The following FSTL5 variants were observed in gnomAD, a reference collection of about 807,000 sequenced individuals.
The protein encoded by FSTL5 is follistatin-related protein 5.
In FSTL5, 62 loss-of-function variants were observed where a neutral mutation model predicts 89.1. The observed-to-expected ratio is 0.70, with a 90% CI of 0.57 to 0.86. FSTL5 has a LOEUF of 0.86. Ranked by LOEUF, FSTL5 falls within the 40% of genes least tolerant of loss-of-function variation. The probability of loss-of-function intolerance (pLI) is 0.00; values close to 1 mark genes in which losing one functional copy is unlikely to be tolerated. For missense variants in FSTL5, 1,057 were observed against 1,001.6 expected, an observed-to-expected ratio of 1.06 and a Z score of -0.75; for synonymous variants, 383 against 346.2, an observed-to-expected ratio of 1.11 and a Z score of -1.18.
At chr4:162,138,299 G>GT (rs35155251) in intron 1 of FSTL5, among the ~76,000 whole-genome samples, 21,358 of 151,894 alleles carry the variant, frequency 0.14, 1,509 homozygotes, top group Middle Eastern at 0.28. Flanking sequence ...CTTCTATTAG[G>GT]TAATTAGCTG....
At chr4:161,957,081 AAATT>A (rs1174435460) in intron 3 of FSTL5, among the ~76,000 whole-genome samples, 141 of 152,130 alleles carry the variant, frequency 9.3e-4, no homozygotes, top group African/African-American at 3.0e-3. Flanking sequence ...TAACAAAAAT[AAATT>A]AATTTTTATA....
chr4:162,006,555 C>A (rs1221182156), intron 3 of FSTL5, among the ~76,000 whole-genome samples: 2 of 151,880 alleles, frequency 1.3e-5, no homozygotes, highest in Non-Finnish European at 2.9e-5. Flanking sequence ...AACTTTCCTA[C>A]ATTTCTACAC....
At chr4:161,567,172 C>T (rs1209186477) in intron 8 of FSTL5, among the ~76,000 whole-genome samples, 2 of 151,898 alleles carry the variant, frequency 1.3e-5, no homozygotes, top group Admixed American at 6.6e-5. Context: ...ACAATTTAAA[C>T]ATAATATGGA....
chr4:162,034,685 A>G (rs945531127), intron 2 of FSTL5, among the ~76,000 whole-genome samples: 1 of 152,168 alleles, frequency 6.6e-6, no homozygotes, highest in Admixed American at 6.6e-5. Context: ...TGTTCCTAAG[A>G]AAAAAATGAC....
intron 1 of FSTL5, among the ~76,000 whole-genome samples, chr4:162,146,079 A>T (rs1193351804): frequency 6.6e-6 from 1 of 152,128 alleles, no homozygotes; most frequent in Non-Finnish European, 1.5e-5. Context: ...TGTTTTGATA[A>T]TTTCTTATTT....
At chr4:162,060,739 T>C (rs537698549) in intron 2 of FSTL5, among the ~76,000 whole-genome samples, 2 of 152,222 alleles carry the variant, frequency 1.3e-5, no homozygotes, top group African/African-American at 4.8e-5. Context: ...TACCAAGTGA[T>C]ATATCATGTA....
intron 12 of FSTL5, among the ~76,000 whole-genome samples, chr4:161,490,686 T>C (rs569373814): frequency 6.6e-6 from 1 of 152,286 alleles, no homozygotes; most frequent in Admixed American, 6.5e-5. Flanking sequence ...AAAATTACTC[T>C]GAAATGCAAT....
At chr4:162,064,900 A>T (rs1420716915) in intron 2 of FSTL5, among the ~76,000 whole-genome samples, 1 of 152,038 alleles carries the variant, frequency 6.6e-6, no homozygotes, top group African/African-American at 2.4e-5. Context: ...GGCATAAAAA[A>T]CAGAGCTGTA....
chr4:161,647,521 A>T (rs892970500), intron 7 of FSTL5, among the ~76,000 whole-genome samples: 26 of 75,728 alleles, frequency 3.4e-4, no homozygotes, highest in African/African-American at 1.1e-3. Context: ...TATTTCGTTT[A>T]AAAAAAAAAA....
intron 6 of FSTL5, among the ~76,000 whole-genome samples, chr4:161,718,764 C>T (rs1263676722): frequency 6.6e-6 from 1 of 152,026 alleles, no homozygotes; most frequent in Middle Eastern, 3.2e-3. Flanking sequence ...TGGAGCTTCA[C>T]TAAAGTATAA....
chr4:161,900,719 G>C (rs904986372), intron 4 of FSTL5, among the ~76,000 whole-genome samples: 1 of 150,502 alleles, frequency 6.6e-6, no homozygotes, highest in Non-Finnish European at 1.5e-5. Flanking sequence ...CATTGCCAAG[G>C]TTGCCAAGGT....
intron 4 of FSTL5, among the ~76,000 whole-genome samples, chr4:161,819,139 A>G (rs6829345): frequency 0.44 from 67,595 of 151,950 alleles, 15,301 homozygotes; most frequent in East Asian, 0.49. Context: ...TATTAACCTT[A>G]CTTTTCTACT....
intron 15 of FSTL5, among the ~76,000 whole-genome samples, chr4:161,453,291 G>A (rs1447180637): frequency 6.6e-6 from 1 of 152,134 alleles, no homozygotes; most frequent in East Asian, 1.9e-4. Context: ...GAATAGGCAA[G>A]TGAGATAAAA....
At chr4:161,899,076 A>G (rs1243128381) in intron 4 of FSTL5, among the ~76,000 whole-genome samples, 2 of 152,052 alleles carry the variant, frequency 1.3e-5, no homozygotes, top group Non-Finnish European at 2.9e-5. Context: ...CATCATCAAT[A>G]TTTGAAGGAG....
chr4:161,653,613 T>A (rs1467062365), intron 7 of FSTL5, among the ~76,000 whole-genome samples: 1 of 152,142 alleles, frequency 6.6e-6, no homozygotes, highest in Non-Finnish European at 1.5e-5. Context: ...GAAAAATGAA[T>A]AAATAAATAT....
chr4:161,634,186 A>G lies in FSTL5; in HGVS notation c.894+22142T>C, dbSNP rs112348616. Among the ~76,000 whole-genome samples the G allele has an allele frequency of 3.6e-3, 542 of 152,310 alleles. 2 individuals are homozygous for G. Among genetic ancestry groups the G allele is most frequent in the African/African-American group, 0.012 (513 of 41,572 alleles). On this transcript the variant is annotated intron_variant, in intron 7 of 15. Transcript: ENST00000306100. ...CTTTGTCACCCATTTGTTCATTTCC[A>G]AGTGGTGATGTTTTCTTAGTAAAAT...
At chr4:161,623,966 T>G (rs1231744383) in intron 7 of FSTL5, among the ~76,000 whole-genome samples, 1 of 152,010 alleles carries the variant, frequency 6.6e-6, no homozygotes, top group Non-Finnish European at 1.5e-5. Context: ...CAGTTAAATT[T>G]GCAAGGCAAA....
At chr4:161,957,642 G>T (rs531915634) in intron 3 of FSTL5, among the ~76,000 whole-genome samples, 2 of 152,152 alleles carry the variant, frequency 1.3e-5, no homozygotes, top group Admixed American at 1.3e-4. Flanking sequence ...CAGCCAGACC[G>T]AGTCCTTTTC....
chr4:161,486,707 A>C (rs1729693520), intron 12 of FSTL5, among the ~76,000 whole-genome samples: 4 of 152,152 alleles, frequency 2.6e-5, no homozygotes, highest in Admixed American at 1.3e-4. Flanking sequence ...AATAATGTAT[A>C]AGATTGCATC....
Sources: gnomAD v4.1 joint callset for allele counts (sites outside exome capture counted in the v4.1 genomes callset) on GRCh38, gnomAD v4.1.1 for gene constraint, MANE v1.5 for transcripts, NCBI Gene and HGNC (gene_info 2026-07-23, HGNC 2026-07-21) for gene names.